The following MME variants were observed in gnomAD, a reference collection of about 807,000 sequenced individuals.
The protein encoded by MME is neprilysin.
A neutral mutation model predicts 113.2 loss-of-function variants in MME; 98 were observed. That is an observed-to-expected ratio of 0.87 (90% CI 0.74 to 1.02). MME has a LOEUF of 1.02. MME is among the 50% of genes least tolerant of loss of function. MME has a pLI of 0.00. For missense variants in MME, 836 were observed against 896.0 expected (o/e 0.93, Z 0.86); for synonymous variants, 292 against 300.6 (o/e 0.97, Z 0.30).
chr3:155,153,629 C>T (rs1325642904), intron 16 of MME, among the ~76,000 whole-genome samples: 1 of 152,158 alleles, frequency 6.6e-6, no homozygotes, highest in African/African-American at 2.4e-5. Context: ...CAGGACAGAA[C>T]TTCCTGTGAT....
chr3:155,145,443 G>A (rs887099904), intron 14 of MME, among the ~76,000 whole-genome samples: 2 of 152,008 alleles, frequency 1.3e-5, no homozygotes, highest in Middle Eastern at 3.2e-3. Context: ...ATTATCATAC[G>A]TGGGAGTTAA....
intron 16 of MME, among the ~76,000 whole-genome samples, chr3:155,154,975 T>TG (rs1722210712): frequency 6.6e-6 from 1 of 152,204 alleles, no homozygotes; most frequent in African/African-American, 2.4e-5. Flanking sequence ...GTATCTGCCA[T>TG]GGCATCCTCA....
chr3:155,146,342 G>A (rs1393440830), intron 14 of MME, among the ~76,000 whole-genome samples: 3 of 151,662 alleles, frequency 2.0e-5, no homozygotes, highest in Non-Finnish European at 4.4e-5. Context: ...CCTGGGCAAC[G>A]TGGTGAAATG....
chr3:155,030,635 T>C (rs1174196108), intron 1 of MME, among the ~76,000 whole-genome samples: 2 of 152,206 alleles, frequency 1.3e-5, no homozygotes, highest in Non-Finnish European at 2.9e-5. Flanking sequence ...TAACAAAGTT[T>C]ATGACTTAAC....
In MME at chr3:155,093,681, C is replaced by G. The variant is rs149235936; in HGVS notation, c.196+8587C>G. 3.9e-5 allele frequency among the ~76,000 whole-genome samples: 6 copies of G among 152,084 alleles called. No individual in the cohort carries two copies. The East Asian group carries it at 1.2e-3, about 29-fold the overall frequency. ...GACCAGCCTGGCCAAGATGGTGAAA[C>G]TCTGCCTCTACTAAAAATACAAAAA... On this transcript the variant is annotated intron_variant, in intron 3 of 22. Coordinates refer to ENST00000360490, the MANE Select transcript of MME (RefSeq NM_007289.4).
At chr3:155,047,811 T>C (rs1713612282) in intron 1 of MME, among the ~76,000 whole-genome samples, 1 of 152,174 alleles carries the variant, frequency 6.6e-6, no homozygotes, top group East Asian at 1.9e-4. Context: ...CTGTTTTAAG[T>C]ATCTGTAGAA....
intron 1 of MME, 150 bp from the exon 2 acceptor site, chr3:155,084,008 C>T (rs2108165907): frequency 1.4e-6 from 1 of 702,706 alleles, no homozygotes; most frequent in South Asian, 1.9e-5. Flanking sequence ...ACTTTGCATT[C>T]AGCAACAAAA....
At chr3:155,048,356 A>G (rs1713637831) in intron 1 of MME, among the ~76,000 whole-genome samples, 1 of 152,116 alleles carries the variant, frequency 6.6e-6, no homozygotes, top group Non-Finnish European at 1.5e-5. Context: ...CATGTCATTC[A>G]GTTTTTGCTC....
At chr3:155,038,279 C>T (rs1024086121) in intron 1 of MME, among the ~76,000 whole-genome samples, 15 of 152,160 alleles carry the variant, frequency 9.9e-5, no homozygotes, top group African/African-American at 2.7e-4. Flanking sequence ...GGCAGGACTA[C>T]ACTCTGTCAG....
In MME at chr3:155,160,409, G is replaced by A. The variant is rs945611690; in HGVS notation, c.1621G>A (p.Val541Ile). 6.2e-7 allele frequency: 1 copy of A among 1,607,890 alleles called. No homozygotes were observed. The highest frequency in any genetic ancestry group is 8.5e-7 in the Non-Finnish European group (1 of 1,174,728). Residue 541 changes from valine (V) to isoleucine (I), a missense_variant, in exon 17 of 23, where the codon GTA (valine) becomes ATA (isoleucine). Physicochemically the swap from Val to Ile is conservative, Grantham distance 29. Transcript: ENST00000360490. The stretch of plus-strand genomic sequence containing the variant: ...CTACAGGTGGATAAGTGGAGCAGCT[G>A]TAGTCAATGCATTTTACTCTTCAGG... ...DKDEWISGAA[V>I]VNAFYSSGRN...
intron 8 of MME, 134 bp from the exon 9 acceptor site, chr3:155,137,968 T>C: frequency 1.0e-6 from 1 of 991,942 alleles, no homozygotes; most frequent in Non-Finnish European, 1.6e-6. Context: ...TTTCTTTAAA[T>C]ACTTAGAAAA....
intron 1 of MME, among the ~76,000 whole-genome samples, chr3:155,027,499 C>A (rs1396915194): frequency 6.6e-6 from 1 of 152,236 alleles, no homozygotes; most frequent in African/African-American, 2.4e-5. Context: ...CTGCCCTCAG[C>A]ACATACAGAG....
chr3:155,053,817 C>T (rs995466631), intron 1 of MME, among the ~76,000 whole-genome samples: 21 of 152,130 alleles, frequency 1.4e-4, no homozygotes, highest in South Asian at 2.1e-4. Context: ...AATATAAAGG[C>T]CAGAGACAGC....
chr3:155,085,155 T>C lies in MME; in HGVS notation c.196+61T>C, dbSNP rs1328472252. On this transcript the variant is annotated intron_variant, in intron 3 of 22. Transcript: ENST00000360490. The stretch of plus-strand genomic sequence containing the variant: ...CTGATGTATAATATTTAAAATTAAA[T>C]GCTAATCTTAATTTGCTTTGTTTAC... The C allele has an allele frequency of 2.4e-5, 26 of 1,078,288 alleles. No individual in the cohort carries two copies. In the East Asian group the frequency reaches 5.9e-4, roughly 25 times the overall value. The allele number at this position is 1,078,288 out of a possible 1,614,324, so 66.8% of individuals were successfully genotyped here.
At chr3:155,060,829 C>CAGAGAGAGAGAGAGAGAG (rs138935329) in intron 1 of MME, among the ~76,000 whole-genome samples, 28 of 137,750 alleles carry the variant, frequency 2.0e-4, no homozygotes, top group African/African-American at 7.5e-4. Flanking sequence ...TGCAGAGAGG[C>CAGAGAGAGAGAGAGAGAG]AGAGAGAGAG....
rs528778173 is a variant in MME, at chr3:155,055,662, T to C, written c.-10-28496T>C. ...AAATTTCAAAACCAGGCAGAACTAA[T>C]CTGTGAAATTAAAAGTTAGGATAAT... On this transcript the variant is annotated intron_variant, in intron 1 of 22. Coordinates refer to the MME transcript ENST00000492661. Among the ~76,000 whole-genome samples, 6 of 151,946 alleles carry C rather than the reference T, an allele frequency of 3.9e-5. No individual in the cohort carries two copies. The East Asian group carries it at 1.2e-3, about 29-fold the overall frequency.
intron 3 of MME, among the ~76,000 whole-genome samples, chr3:155,094,030 CCA>C (rs1716516423): frequency 6.6e-6 from 1 of 152,070 alleles, no homozygotes; most frequent in African/African-American, 2.4e-5. Flanking sequence ...CCCTCTAAGG[CCA>C]CTTTGAATTA....
intron 22 of MME, among the ~76,000 whole-genome samples, chr3:155,176,693 G>A (rs1022342754): frequency 6.6e-6 from 1 of 152,042 alleles, no homozygotes; most frequent in African/African-American, 2.4e-5. Context: ...AGGCATGCTG[G>A]TACATGCCTG....
At chr3:155,093,052 T>TA (rs10706860) in intron 3 of MME, among the ~76,000 whole-genome samples, 3,393 of 146,238 alleles carry the variant, frequency 0.023, 122 homozygotes, top group African/African-American at 0.08. Flanking sequence ...CCAAAGCCGT[T>TA]AAAAAAAAAA....
Sources: gnomAD v4.1 joint callset for allele counts (sites outside exome capture counted in the v4.1 genomes callset) on GRCh38, gnomAD v4.1.1 for gene constraint, MANE v1.5 for transcripts, NCBI Gene and HGNC (gene_info 2026-07-23, HGNC 2026-07-21) for gene names.